Variants in ELOF1 observed in about 807,000 individuals in gnomAD.
ELOF1 encodes transcription elongation factor 1 homolog.
Under a neutral mutation model 7.1 loss-of-function variants are expected in ELOF1, and 4 were observed. The observed-to-expected ratio is 0.56, with a 90% CI of 0.28 to 1.29. ELOF1 has a LOEUF of 1.29. ELOF1 is among the 50% of genes most tolerant of loss of function. The pLI, the probability that ELOF1 is intolerant of heterozygous loss-of-function variation, is 0.10. For missense variants in ELOF1, 59 were observed against 86.3 expected, an observed-to-expected ratio of 0.68 and a Z score of 1.25; for synonymous variants, 31 against 31.9, an observed-to-expected ratio of 0.97 and a Z score of 0.09.
intron 1 of ELOF1, among the ~76,000 whole-genome samples, chr19:11,557,980 C>T (rs1972857492): frequency 6.6e-6 from 1 of 152,188 alleles, no homozygotes; most frequent in Non-Finnish European, 1.5e-5. Flanking sequence ...AGGCCACCTG[C>T]TTCTCCAGCC....
At chr19:11,553,877 G>C (rs1328484442) in intron 3 of ELOF1, 67 bp from the exon 4 acceptor site, 1 of 1,612,318 alleles carries the variant, frequency 6.2e-7, no homozygotes, top group Admixed American at 1.7e-5. Flanking sequence ...TCACCCCACA[G>C]AAATCACTAG....
intron 3 of ELOF1, chr19:11,553,675 T>C: frequency 6.3e-7 from 1 of 1,592,166 alleles, no homozygotes; most frequent in Admixed American, 1.7e-5. Context: ...CCCTGGAATG[T>C]CTCTGGACCA....
intron 3 of ELOF1, chr19:11,553,582 T>TACACACACACACACACACAC: frequency 1.5e-5 from 9 of 604,046 alleles, no homozygotes; most frequent in South Asian, 1.4e-4. Context: ...GCACACCCAC[T>TACACACACACACACACACAC]ACACACACAC....
chr19:11,554,387 A>G (rs543434962), intron 1 of ELOF1, 22 bp from the exon 2 acceptor site: 10 of 1,608,174 alleles, frequency 6.2e-6, no homozygotes, highest in Non-Finnish European at 8.5e-6. Context: ...GGCAGATGTC[A>G]GTGGTTTGAG....
intron 1 of ELOF1, chr19:11,554,987 G>A (rs1219193078): frequency 3.3e-5 from 5 of 152,608 alleles, no homozygotes; most frequent in Non-Finnish European, 7.3e-5. Flanking sequence ...GGCCAGGTGT[G>A]GTGGCTCACA....
intron 3 of ELOF1, chr19:11,553,582 T>TACACACACACACACACACACACACACAC: frequency 1.7e-6 from 1 of 604,046 alleles, no homozygotes; most frequent in East Asian, 2.9e-5. Flanking sequence ...GCACACCCAC[T>TACACACACACACACACACACACACACAC]ACACACACAC....
intron 1 of ELOF1, chr19:11,555,712 C>G (rs1419784662): frequency 1.3e-5 from 2 of 152,490 alleles, no homozygotes; most frequent in Non-Finnish European, 2.9e-5. Flanking sequence ...TTGGATGGAT[C>G]CTGGGAGCTA....
At chr19:11,554,526 T>G in intron 1 of ELOF1, 161 bp from the exon 2 acceptor site, 1 of 1,015,864 alleles carries the variant, frequency 9.8e-7, no homozygotes, top group Non-Finnish European at 1.4e-6. Flanking sequence ...AGGAGGACAA[T>G]TCCCTGTCCC....
chr19:11,554,857 A>C (rs1379621153), intron 1 of ELOF1: 1 of 156,814 alleles, frequency 6.4e-6, no homozygotes, highest in African/African-American at 2.4e-5. Flanking sequence ...AGATGGGAGG[A>C]TCGCTTGAGC....
intron 1 of ELOF1, chr19:11,554,589 T>C: frequency 1.7e-6 from 1 of 586,596 alleles, no homozygotes; most frequent in Non-Finnish European, 2.9e-6. Flanking sequence ...TCTCACTTAC[T>C]GCGTGACCTG....
rs57015096 is a variant in ELOF1, at chr19:11,553,582, TACACACACACACACACACACAC to T, written c.187+407_187+428del. On this transcript the variant is annotated intron_variant, in intron 3 of 3. Coordinates refer to ENST00000586683, the Ensembl canonical transcript of ELOF1. ...CACCCACACCCACACGCACACCCACTACACACACACACACACACACACACACACACACACACACACACACACA... is the reference window on the plus strand; with the variant it reads ...CACCCACACCCACACGCACACCCACTACACACACACACACACACACACACA... 3,052 of 605,618 alleles carry T rather than the reference TACACACACACACACACACACAC, an allele frequency of 5.0e-3. 24 individuals carry two copies. The highest frequency in any genetic ancestry group is 0.041 in the Admixed American group (1,418 of 34,786). 37.5% of individuals were successfully genotyped at this position (605,618 alleles called of 1,614,324 possible). A position where few individuals can be genotyped will look rare whatever the true frequency, so the allele number is the denominator to read the frequency against.
At chr19:11,553,572 GCACACCCACTACACACA>G in intron 3 of ELOF1, 2 of 708,956 alleles carry the variant, frequency 2.8e-6, no homozygotes, top group Non-Finnish European at 2.3e-6. Flanking sequence ...ACACCCACAC[GCACACCCACTACACACA>G]CACACACACA....
chr19:11,557,183 C>T (rs939990165), intron 1 of ELOF1, among the ~76,000 whole-genome samples: 4 of 152,144 alleles, frequency 2.6e-5, no homozygotes, highest in Admixed American at 1.3e-4. Context: ...GGTCCTTCCT[C>T]CCCTGAGAGC....
intron 1 of ELOF1, chr19:11,554,634 C>G: frequency 2.0e-6 from 1 of 496,474 alleles, no homozygotes; most frequent in South Asian, 3.9e-5. Flanking sequence ...CCACAGTTTC[C>G]TCGTCTATAA....
intron 1 of ELOF1, among the ~76,000 whole-genome samples, chr19:11,556,224 G>A (rs964156715): frequency 6.6e-6 from 1 of 152,148 alleles, no homozygotes; most frequent in African/African-American, 2.4e-5. Flanking sequence ...GAGGTCAGCA[G>A]CCTGCCAGTG....
rs1291015835 is a variant in ELOF1, at chr19:11,554,369, T to TG, written c.-18-5dup. ...CCATGTCTGCAGGTGGATGAGCCTG[T>TG]GGGGAGTGGCAGATGTCAGTGGTTT... On this transcript the variant is annotated splice_polypyrimidine_tract_variant and splice_region_variant and intron_variant, in intron 1 of 3. Coordinates refer to ENST00000586683, the Ensembl canonical transcript of ELOF1. 1 of 1,612,308 alleles carries TG rather than the reference T, an allele frequency of 6.2e-7. No homozygotes were observed. Among genetic ancestry groups the TG allele is most frequent in the Admixed American group, 1.7e-5 (1 of 59,834 alleles).
chr19:11,553,690 C>T lies in ELOF1; in HGVS notation c.187+321G>A, dbSNP rs554584553. On this transcript the variant is annotated intron_variant, in intron 3 of 3. Coordinates refer to ENST00000586683, the Ensembl canonical transcript of ELOF1. Reference sequence around the variant, plus strand: ...CCCTGGAATGTCTCTGGACCAGAACCGAACAGCTGGATCCACAGTACGCGG... The same window carrying T: ...CCCTGGAATGTCTCTGGACCAGAACTGAACAGCTGGATCCACAGTACGCGG... 181 of 1,609,594 alleles carry T rather than the reference C, an allele frequency of 1.1e-4. 1 individual carries two copies. The African/African-American group carries it at 1.7e-3, about 15-fold the overall frequency.
intron 3 of ELOF1, chr19:11,553,694 C>G: frequency 6.2e-7 from 1 of 1,611,628 alleles, no homozygotes; most frequent in South Asian, 1.1e-5. Context: ...CAGAACCGAA[C>G]AGCTGGATCC....
chr19:11,555,256 C>CAAA (rs5827127), intron 1 of ELOF1: 5 of 87,626 alleles, frequency 5.7e-5, no homozygotes, highest in South Asian at 2.9e-4. Flanking sequence ...GACTCCGTCT[C>CAAA]AAAAAAAAAA....
Sources: gnomAD v4.1 joint callset for allele counts (sites outside exome capture counted in the v4.1 genomes callset) on GRCh38, gnomAD v4.1.1 for gene constraint, MANE v1.5 for transcripts, NCBI Gene and HGNC (gene_info 2026-07-23, HGNC 2026-07-21) for gene names.